The following ANKS1B variants were observed in gnomAD, a reference collection of about 807,000 sequenced individuals.
ANKS1B encodes ankyrin repeat and sterile alpha motif domain containing 1B.
In ANKS1B, 36 loss-of-function variants were observed where a neutral mutation model predicts 148.3. The ratio of observed to expected loss-of-function variants is 0.24; its 90% CI spans 0.19 to 0.32. The LOEUF (loss-of-function observed/expected upper bound fraction) is 0.32, where lower values mean the gene tolerates loss of function less well. Among genes scored for constraint, ANKS1B ranks in the 10% least tolerant of loss-of-function variants. The probability of loss-of-function intolerance (pLI) is 1.00; values close to 1 mark genes in which losing one functional copy is unlikely to be tolerated. For missense variants in ANKS1B, 1,157 were observed against 1,542.6 expected (o/e 0.75, Z 4.19); for synonymous variants, 542 against 560.8 (o/e 0.97, Z 0.47).
chr12:99,005,948 C>T (rs747615549), intron 17 of ANKS1B, among the ~76,000 whole-genome samples: 6 of 152,140 alleles, frequency 3.9e-5, no homozygotes, highest in Admixed American at 6.5e-5. Flanking sequence ...TAAACCATGA[C>T]GATGAAAGTC....
intron 12 of ANKS1B, among the ~76,000 whole-genome samples, chr12:99,315,439 G>A (rs891808155): frequency 1.4e-4 from 22 of 152,076 alleles, no homozygotes; most frequent in African/African-American, 5.3e-4. Context: ...AGACATTTAT[G>A]CAGCCAACAA....
chr12:99,938,206 T>C (rs1420606069), intron 1 of ANKS1B, among the ~76,000 whole-genome samples: 2 of 152,192 alleles, frequency 1.3e-5, no homozygotes, highest in East Asian at 3.8e-4. Flanking sequence ...CAAGTGGCCA[T>C]ATGGCCAGGA....
intron 14 of ANKS1B, among the ~76,000 whole-genome samples, chr12:99,193,647 A>G (rs2153886714): frequency 6.6e-6 from 1 of 152,092 alleles, no homozygotes; most frequent in South Asian, 2.1e-4. Flanking sequence ...GGGTGAGGAA[A>G]AGATACTTCT....
intron 9 of ANKS1B, among the ~76,000 whole-genome samples, chr12:99,577,392 C>T (rs1448572865): frequency 6.6e-6 from 1 of 151,012 alleles, no homozygotes; most frequent in Non-Finnish European, 1.5e-5. Flanking sequence ...GACAGCTGAA[C>T]TAAACAAAAC....
chr12:99,560,807 A>T (rs551716115), intron 9 of ANKS1B, among the ~76,000 whole-genome samples: 2 of 140,692 alleles, frequency 1.4e-5, no homozygotes, highest in South Asian at 4.7e-4. Flanking sequence ...GTTGCTGAAG[A>T]TTGGGGTTGC....
intron 11 of ANKS1B, among the ~76,000 whole-genome samples, chr12:99,403,152 C>CTTTTTTTTTT (rs143800860): frequency 8.2e-5 from 6 of 73,158 alleles, no homozygotes; most frequent in East Asian, 4.4e-4. Context: ...ACTTTTCTTT[C>CTTTTTTTTTT]TTTTTTTTTT....
intron 9 of ANKS1B, among the ~76,000 whole-genome samples, chr12:99,616,726 C>CTA (rs1262712291): frequency 3.3e-5 from 5 of 152,102 alleles, no homozygotes; most frequent in Non-Finnish European, 7.4e-5. Context: ...AGGACATAGA[C>CTA]ATGGGCAAAG....
chr12:98,930,059 A>G (rs659321), intron 17 of ANKS1B, among the ~76,000 whole-genome samples: 65,385 of 151,974 alleles, frequency 0.43, 17,003 homozygotes, highest in African/African-American at 0.73. Flanking sequence ...TTTCTATTCC[A>G]GGTATATAAT....
intron 12 of ANKS1B, among the ~76,000 whole-genome samples, chr12:99,331,136 T>C (rs1029069078): frequency 6.6e-6 from 1 of 152,022 alleles, no homozygotes; most frequent in Admixed American, 6.6e-5. Flanking sequence ...CATATTCATG[T>C]ATATGACCGT....
At chr12:99,520,887 C>T (rs563825758) in intron 9 of ANKS1B, among the ~76,000 whole-genome samples, 1 of 152,262 alleles carries the variant, frequency 6.6e-6, no homozygotes, top group East Asian at 1.9e-4. Flanking sequence ...ACCTTCACTT[C>T]CTTGGTTCAA....
At chr12:99,543,553 T>A (rs2097146348) in intron 9 of ANKS1B, among the ~76,000 whole-genome samples, 1 of 151,888 alleles carries the variant, frequency 6.6e-6, no homozygotes, top group South Asian at 2.1e-4. Flanking sequence ...CTCAAAATAG[T>A]CAAAAAGGGT....
intron 12 of ANKS1B, among the ~76,000 whole-genome samples, chr12:99,381,192 T>G (rs1378493500): frequency 6.6e-6 from 1 of 151,818 alleles, no homozygotes; most frequent in Non-Finnish European, 1.5e-5. Context: ...AAATTTCTGT[T>G]GTATCAAGCC....
intron 1 of ANKS1B, among the ~76,000 whole-genome samples, chr12:99,861,675 A>T (rs2153718571): frequency 6.6e-6 from 1 of 152,290 alleles, no homozygotes; most frequent in South Asian, 2.1e-4. Flanking sequence ...ATTGCTGTTG[A>T]TAGTGTTATG....
intron 12 of ANKS1B, among the ~76,000 whole-genome samples, chr12:99,326,633 A>G (rs1007674254): frequency 6.6e-6 from 1 of 152,042 alleles, no homozygotes. Flanking sequence ...AATGTCTGAT[A>G]TTGTTACGTA....
intron 9 of ANKS1B, among the ~76,000 whole-genome samples, chr12:99,571,516 T>C (rs2097455438): frequency 6.6e-6 from 1 of 152,096 alleles, no homozygotes; most frequent in Non-Finnish European, 1.5e-5. Context: ...TTACTTCAAG[T>C]CTGCTATGAT....
At chr12:99,855,032 A>G (rs574408146) in intron 1 of ANKS1B, among the ~76,000 whole-genome samples, 2 of 152,138 alleles carry the variant, frequency 1.3e-5, no homozygotes, top group Non-Finnish European at 2.9e-5. Context: ...AGCATGATGA[A>G]TAAAATAGTA....
intron 15 of ANKS1B, among the ~76,000 whole-genome samples, chr12:99,092,289 C>A (rs1599794579): frequency 6.6e-6 from 1 of 152,218 alleles, no homozygotes; most frequent in East Asian, 1.9e-4. Flanking sequence ...GCAGCTGAGT[C>A]TGAGCAGGGG....
intron 14 of ANKS1B, among the ~76,000 whole-genome samples, chr12:99,234,427 G>A (rs1431010272): frequency 6.6e-6 from 1 of 152,014 alleles, no homozygotes; most frequent in East Asian, 1.9e-4. Flanking sequence ...TATTCCAACT[G>A]ACACACCACA....
At chr12:99,463,604 G>A (rs1011572528) in intron 10 of ANKS1B, among the ~76,000 whole-genome samples, 18 of 152,178 alleles carry the variant, frequency 1.2e-4, no homozygotes, top group Non-Finnish European at 2.2e-4. Context: ...GCGCTTTTCC[G>A]ACAGGCTTAA....
Sources: gnomAD v4.1 joint callset for allele counts (sites outside exome capture counted in the v4.1 genomes callset) on GRCh38, gnomAD v4.1.1 for gene constraint, MANE v1.5 for transcripts, NCBI Gene and HGNC (gene_info 2026-07-23, HGNC 2026-07-21) for gene names.